Variants in CEP85L observed in about 807,000 individuals in gnomAD.
The protein encoded by CEP85L is centrosomal protein of 85 kDa-like.
Under a neutral mutation model 100.3 loss-of-function variants are expected in CEP85L, and 60 were observed. The observed-to-expected ratio is 0.60, with a 90% CI of 0.49 to 0.74. CEP85L has a LOEUF of 0.74. CEP85L is among the 30% of genes least tolerant of loss of function. The probability of loss-of-function intolerance (pLI) is 0.00; values close to 1 mark genes in which losing one functional copy is unlikely to be tolerated. For missense variants in CEP85L, 973 were observed against 936.2 expected, an observed-to-expected ratio of 1.04 and a Z score of -0.51; for synonymous variants, 319 against 322.7, an observed-to-expected ratio of 0.99 and a Z score of 0.12.
intron 6 of CEP85L, among the ~76,000 whole-genome samples, chr6:118,485,038 C>T (rs1186303203): frequency 6.6e-6 from 1 of 152,150 alleles, no homozygotes; most frequent in African/African-American, 2.4e-5. Context: ...ATGGTGTGTA[C>T]ACACATGATA....
At chr6:118,566,469 G>A (rs576693623) in intron 2 of CEP85L, among the ~76,000 whole-genome samples, 153 bp from the exon 3 acceptor site, 43 of 152,292 alleles carry the variant, frequency 2.8e-4, no homozygotes, top group Admixed American at 5.9e-4. Flanking sequence ...CTAGGCTGGA[G>A]TGCAGTGGCA....
intron 2 of CEP85L, among the ~76,000 whole-genome samples, chr6:118,619,953 G>A (rs62422224): frequency 0.13 from 20,369 of 152,182 alleles, 1,738 homozygotes; most frequent in Non-Finnish European, 0.18. Flanking sequence ...GGAGGTCACC[G>A]CTGTAGACCC....
At chr6:118,662,407 G>A (rs1296249027) in intron 1 of CEP85L, among the ~76,000 whole-genome samples, 2 of 152,016 alleles carry the variant, frequency 1.3e-5, no homozygotes, top group African/African-American at 2.4e-5. Flanking sequence ...GCGCATGGCT[G>A]TAATCCCAGA....
rs770401587 is a variant in CEP85L at position 118,469,150 on chromosome 6, A to G, written c.2176T>C (p.Leu726=). ...TTAAGAATACTACACAATGCTTTCA[A>G]GTCAAACAAACAACAGGACATTTCC... is the stretch of plus-strand genomic sequence containing the variant. ...FKEMSCCLFD[L]KALCSILNQR... is the part of the protein sequence containing the mutation. The change falls in exon 12 of 13, where the codon TTG becomes CTG. Residue 726 remains leucine, a synonymous_variant. Transcript: ENST00000368491. The G allele has an allele frequency of 1.6e-5, 26 of 1,613,958 alleles. No individual in the cohort carries two copies. The highest frequency in any genetic ancestry group is 2.0e-5 in the Non-Finnish European group (24 of 1,179,952).
intron 1 of CEP85L, among the ~76,000 whole-genome samples, chr6:118,647,640 G>T (rs1225967306): frequency 6.6e-6 from 1 of 152,144 alleles, no homozygotes; most frequent in Admixed American, 6.5e-5. Flanking sequence ...GGGATTATAG[G>T]CATGAGCCAC....
In CEP85L at chr6:118,464,357, G is replaced by A. The variant is rs559310346; in HGVS notation, c.*1048C>T. ...CTGTTGTTAATGTACTTTAACAAAAGGGATTAAAATACAATCTCAATTAAA... is the reference window on the plus strand; with the variant it reads ...CTGTTGTTAATGTACTTTAACAAAAAGGATTAAAATACAATCTCAATTAAA... On this transcript the variant is annotated 3_prime_UTR_variant, in exon 13 of 13. Coordinates refer to ENST00000368491, the MANE Select transcript of CEP85L (RefSeq NM_001042475.3). 6.6e-6 allele frequency: 1 copy of A among 152,034 alleles called. No individual in the cohort carries two copies. Among genetic ancestry groups the A allele is most frequent in the South Asian group, 2.1e-4 (1 of 4,830 alleles). 9.4% of individuals were successfully genotyped at this position (152,034 alleles called of 1,614,324 possible).
rs917535783 is a variant in CEP85L at position 118,462,388 on chromosome 6, T to C, written c.*3017A>G. 2.0e-5 allele frequency: 3 copies of C among 152,144 alleles called. No individual in the cohort carries two copies. Among genetic ancestry groups the C allele is most frequent in the Admixed American group, 6.5e-5 (1 of 15,280 alleles). The allele number at this position is 152,144 out of a possible 1,614,324, so 9.4% of individuals were successfully genotyped here. On this transcript the variant is annotated 3_prime_UTR_variant, in exon 13 of 13. Transcript: ENST00000368491. ...ACTTTTCTGAGCTCAAGTGAAAAGA[T>C]AGCTATTGTGCCTTTGATTCAGTGA...
chr6:118,630,826 C>A (rs1774097589), intron 2 of CEP85L, among the ~76,000 whole-genome samples: 2 of 152,190 alleles, frequency 1.3e-5, no homozygotes, highest in African/African-American at 4.8e-5. Context: ...CAGCTGAGCA[C>A]CACCTCCTGT....
intron 2 of CEP85L, among the ~76,000 whole-genome samples, chr6:118,572,502 G>A (rs1222812914): frequency 6.6e-6 from 1 of 151,784 alleles, no homozygotes; most frequent in Admixed American, 6.6e-5. Context: ...AACCCGGGAG[G>A]CAGAGGTTGC....
chr6:118,491,101 C>T (rs113354001), intron 6 of CEP85L, among the ~76,000 whole-genome samples: 6 of 151,716 alleles, frequency 4.0e-5, no homozygotes, highest in African/African-American at 9.7e-5. Context: ...GGAGTCTCCA[C>T]GCTGTTCTCC....
intron 6 of CEP85L, among the ~76,000 whole-genome samples, chr6:118,487,261 A>G (rs1243114750): frequency 6.6e-6 from 1 of 152,210 alleles, no homozygotes; most frequent in Admixed American, 6.5e-5. Context: ...TGTAACACCC[A>G]GTGTATCAAT....
chr6:118,665,570 G>T (rs1386216542), intron 1 of CEP85L, among the ~76,000 whole-genome samples: 1 of 151,810 alleles, frequency 6.6e-6, no homozygotes, highest in Non-Finnish European at 1.5e-5. Context: ...CGTTGCCCAC[G>T]CTGGTCTCAA....
intron 4 of CEP85L, among the ~76,000 whole-genome samples, chr6:118,522,872 C>CT (rs1776744337): frequency 9.1e-6 from 1 of 110,338 alleles, no homozygotes; most frequent in Non-Finnish European, 2.1e-5. Context: ...GACTGAGACT[C>CT]CCAAAAAAAA....
rs1309320175 is a variant in CEP85L, at chr6:118,702,736, C to A, written c.-28+7300G>T. Among the ~76,000 whole-genome samples the A allele has an allele frequency of 2.0e-5, 3 of 152,294 alleles. 1 individual carries two copies. In the East Asian group the frequency reaches 5.8e-4, roughly 29 times the overall value. On this transcript the variant is annotated intron_variant, in intron 1 of 13. Coordinates refer to the CEP85L transcript ENST00000368488. ...AGTTGGCCAGGCACGGCGGCTCACG[C>A]CTGTAATCCTAGCACTTTGGGAGTC...
At chr6:118,466,342 G>T (rs1772517529) in intron 12 of CEP85L, among the ~76,000 whole-genome samples, 1 of 152,180 alleles carries the variant, frequency 6.6e-6, no homozygotes, top group African/African-American at 2.4e-5. Flanking sequence ...AATGTTAACT[G>T]AACATCTGCC....
At chr6:118,651,695 T>TGCGGGGGGCGGGGACA, upstream of CEP85L, 1 of 154,446 alleles carries the variant, frequency 6.5e-6, no homozygotes, top group Non-Finnish European at 7.7e-6. Context: ...GGGCGGGGAC[T>TGCGGGGGGCGGGGACA]GCGGGGGGCG....
intron 3 of CEP85L, among the ~76,000 whole-genome samples, chr6:118,558,266 AATCT>A (rs1392227658): frequency 6.6e-6 from 1 of 152,028 alleles, no homozygotes; most frequent in African/African-American, 2.4e-5. Context: ...GGTTTTTATT[AATCT>A]TTCTTAAATG....
chr6:118,574,972 GT>G (rs763732294), intron 2 of CEP85L, among the ~76,000 whole-genome samples: 1 of 152,104 alleles, frequency 6.6e-6, no homozygotes, highest in Non-Finnish European at 1.5e-5. Context: ...CCTCCAGTTG[GT>G]TGGGGGGCGG....
intron 2 of CEP85L, among the ~76,000 whole-genome samples, chr6:118,595,850 T>C (rs1781434874): frequency 6.6e-6 from 1 of 152,192 alleles, no homozygotes; most frequent in Admixed American, 6.5e-5. Flanking sequence ...CAGCACTTCA[T>C]GCCACAGTCT....
Sources: allele counts gnomAD v4.1 joint callset (sites outside exome capture counted in the v4.1 genomes callset), GRCh38; gene constraint gnomAD v4.1.1; transcripts MANE v1.5; gene names NCBI Gene and HGNC (gene_info 2026-07-23, HGNC 2026-07-21).